Variants in ASAP1 observed in about 807,000 individuals in gnomAD.
ASAP1 encodes the protein arf-GAP with SH3 domain, ANK repeat and PH domain-containing protein 1.
A neutral mutation model predicts 145.2 loss-of-function variants in ASAP1; 43 were observed. The observed-to-expected ratio is 0.30, with a 90% CI of 0.23 to 0.38. The LOEUF is 0.38. ASAP1 is among the 10% of genes least tolerant of loss of function. ASAP1 has a pLI of 1.00. For missense variants in ASAP1, 1,018 were observed against 1,355.3 expected (o/e 0.75, Z 3.91); for synonymous variants, 546 against 515.5 (o/e 1.06, Z -0.80).
intron 1 of ASAP1, among the ~76,000 whole-genome samples, chr8:130,414,214 G>A (rs1429893032): frequency 6.6e-6 from 1 of 152,182 alleles, no homozygotes; most frequent in Admixed American, 6.5e-5. Flanking sequence ...ACCTTTCATT[G>A]GACGAATGTT....
At position 130,438,977 on chromosome 8, in the gene ASAP1, T is replaced by G. The variant is rs566097912; in HGVS notation, c.-28+4483A>C. On this transcript the variant is annotated intron_variant, in intron 1 of 29. Transcript: ENST00000518721. ...TGGGAACACATTAGGTTCCATGAGT[T>G]ACATGGCAATGGAAAATGAAGGTTG... Among the ~76,000 whole-genome samples the G allele has an allele frequency of 3.9e-5, 6 of 152,356 alleles. 1 individual carries two copies. The highest frequency in any genetic ancestry group is 1.4e-4 in the African/African-American group (6 of 41,572).
In ASAP1 at chr8:130,079,945, T is replaced by C. The variant is rs1164835067; in HGVS notation, c.2599A>G (p.Ser867Gly). The C allele has an allele frequency of 7.4e-6, 12 of 1,614,158 alleles. No individual in the cohort carries two copies. Among genetic ancestry groups the C allele is most frequent in the Non-Finnish European group, 1.0e-5 (12 of 1,180,002 alleles). ...CCCTCAAACTTGTTTGTAGTCTTACTTGAAGAGGATGGACCCCCATCGTTA... is the reference window on the plus strand; with the variant it reads ...CCCTCAAACTTGTTTGTAGTCTTACCTGAAGAGGATGGACCCCCATCGTTA... ...WGNDGGPSSSSKTTNKFEGLS... is the reference protein window; with the variant it reads ...WGNDGGPSSSGKTTNKFEGLS... The change falls in exon 26 of 30, where the codon AGT becomes GGT. Residue 867 changes from serine to glycine, a missense_variant. Physicochemically the swap from Ser to Gly is moderately conservative, Grantham distance 56. Coordinates refer to ENST00000518721, the MANE Select transcript of ASAP1 (RefSeq NM_018482.4).
chr8:130,429,148 G>C (rs1830052012), intron 1 of ASAP1, among the ~76,000 whole-genome samples: 1 of 152,188 alleles, frequency 6.6e-6, no homozygotes, highest in Non-Finnish European at 1.5e-5. Flanking sequence ...AAGGACACCA[G>C]TCATTTTGGA....
At chr8:130,128,802 CA>C (rs1476216253) in intron 15 of ASAP1, among the ~76,000 whole-genome samples, 2 of 152,124 alleles carry the variant, frequency 1.3e-5, no homozygotes, top group African/African-American at 4.8e-5. Flanking sequence ...CAAAGTAGAA[CA>C]GTTAAGCAGG....
chr8:130,218,356 A>T (rs1019515272), intron 4 of ASAP1, among the ~76,000 whole-genome samples: 1 of 152,212 alleles, frequency 6.6e-6, no homozygotes, highest in African/African-American at 2.4e-5. Flanking sequence ...TGAAAAATAT[A>T]ATTAGTTAAT....
In ASAP1 at chr8:130,152,859, T is replaced by C. The variant is rs112805869; in HGVS notation, c.1011-54A>G. 6.4e-5 allele frequency: 86 copies of C among 1,347,620 alleles called. No homozygotes were observed. The Middle Eastern group carries it at 1.9e-3, about 29-fold the overall frequency. 83.5% of individuals were successfully genotyped at this position (1,347,620 alleles called of 1,614,324 possible). ...ATAGTAACTGATTCACTCTGGGACA[T>C]GCGACGATACAGTATGATACATAAT... On this transcript the variant is annotated intron_variant, in intron 12 of 29. Transcript: ENST00000518721.
At chr8:130,080,993 C>T (rs1238310959) in intron 25 of ASAP1, among the ~76,000 whole-genome samples, 1 of 152,174 alleles carries the variant, frequency 6.6e-6, no homozygotes, top group Non-Finnish European at 1.5e-5. Context: ...GCAGAAGGCA[C>T]AAAAACAAAT....
Position 130,311,761 on chromosome 8 carries a change from CAA to C in ASAP1, c.186+46254_186+46255del, listed in dbSNP as rs201264577. 1.3e-4 allele frequency among the ~76,000 whole-genome samples: 11 copies of C among 85,356 alleles called. 1 individual carries two copies. The highest frequency in any genetic ancestry group is 5.9e-4 in the African/African-American group (11 of 18,690). 56.0% of individuals were successfully genotyped at this position (85,356 alleles called of 152,430 possible). A position where few individuals can be genotyped will look rare whatever the true frequency, so the allele number is the denominator to read the frequency against. On this transcript the variant is annotated intron_variant, in intron 3 of 29. Coordinates refer to ENST00000518721, the MANE Select transcript of ASAP1 (RefSeq NM_018482.4). ...GGGCAACAAGAGCGAAACTCCGTCTCAAAAAAAAAAAAAAGGCAAAATAAGTG... is the reference window on the plus strand; with the variant it reads ...GGGCAACAAGAGCGAAACTCCGTCTCAAAAAAAAAAAAGGCAAAATAAGTG...
chr8:130,279,792 GC>G (rs2137168610), intron 3 of ASAP1, among the ~76,000 whole-genome samples: 1 of 152,332 alleles, frequency 6.6e-6, no homozygotes, highest in South Asian at 2.1e-4. Flanking sequence ...AGAACATAGA[GC>G]GTTAAGCAGG....
At chr8:130,248,396 T>A (rs1208806102) in intron 3 of ASAP1, among the ~76,000 whole-genome samples, 1 of 152,100 alleles carries the variant, frequency 6.6e-6, no homozygotes, top group Non-Finnish European at 1.5e-5. Context: ...CATGCCAACA[T>A]TCTGAGAAAA....
At chr8:130,202,930 C>T (rs1229333589) in intron 5 of ASAP1, among the ~76,000 whole-genome samples, 2 of 152,126 alleles carry the variant, frequency 1.3e-5, no homozygotes, top group African/African-American at 4.8e-5. Context: ...ACTGCATCAG[C>T]GGGCCATTTC....
intron 13 of ASAP1, among the ~76,000 whole-genome samples, chr8:130,139,621 C>A (rs2097604696): frequency 6.6e-6 from 1 of 152,022 alleles, no homozygotes; most frequent in Admixed American, 6.6e-5. Context: ...CCCAGCTACT[C>A]AGGAGGCTAA....
chr8:130,100,834 T>A (rs908279468), intron 24 of ASAP1, among the ~76,000 whole-genome samples: 1 of 152,244 alleles, frequency 6.6e-6, no homozygotes, highest in Non-Finnish European at 1.5e-5. Context: ...AGAAGCTTTT[T>A]AGTTTGATAT....
rs73427316 is a variant in ASAP1, at chr8:130,211,932, G to A, written c.405+2624C>T. ...TCTTCTGAGAAGTATGGGTTCCCAC[G>A]GGGGTACTCCTGAGCCCCAGGAGGG... On this transcript the variant is annotated intron_variant, in intron 5 of 29. Coordinates refer to ENST00000518721, the MANE Select transcript of ASAP1 (RefSeq NM_018482.4). Among the ~76,000 whole-genome samples, 1,075 of 152,244 alleles carry A rather than the reference G, an allele frequency of 7.1e-3. 13 individuals carry two copies. The highest frequency in any genetic ancestry group is 0.025 in the African/African-American group (1,036 of 41,542).
chr8:130,159,272 T>C (rs954429585), intron 12 of ASAP1, among the ~76,000 whole-genome samples: 4 of 151,882 alleles, frequency 2.6e-5, no homozygotes, highest in Non-Finnish European at 5.9e-5. Context: ...GAGTCAAGGG[T>C]GACACCCAAG....
At chr8:130,105,720 G>T (rs1405060865) in intron 24 of ASAP1, among the ~76,000 whole-genome samples, 1 of 150,574 alleles carries the variant, frequency 6.6e-6, no homozygotes, top group East Asian at 2.0e-4. Context: ...TCCACATTCA[G>T]ATGGAGAAAC....
intron 1 of ASAP1, among the ~76,000 whole-genome samples, chr8:130,402,919 GGTTT>G (rs142866492): frequency 0.33 from 48,404 of 148,242 alleles, 8,520 homozygotes; most frequent in African/African-American, 0.45. Flanking sequence ...TCTTTTGTGG[GGTTT>G]TTTTTTTTTT....
At chr8:130,261,727 T>G (rs1463434527) in intron 3 of ASAP1, among the ~76,000 whole-genome samples, 1 of 152,076 alleles carries the variant, frequency 6.6e-6, no homozygotes, top group Non-Finnish European at 1.5e-5. Flanking sequence ...TGAGAGTTCA[T>G]GCAAATAGTG....
intron 24 of ASAP1, among the ~76,000 whole-genome samples, chr8:130,108,757 G>A (rs1293415783): frequency 1.9e-5 from 1 of 51,524 alleles, no homozygotes; most frequent in African/African-American, 8.3e-5. Context: ...TCAAAAACCA[G>A]TTTTTTTTTT....
Sources: allele counts gnomAD v4.1 joint callset (sites outside exome capture counted in the v4.1 genomes callset), GRCh38; gene constraint gnomAD v4.1.1; transcripts MANE v1.5; gene names NCBI Gene and HGNC (gene_info 2026-07-23, HGNC 2026-07-21).